MATN2: variants seen among roughly 807,000 people sequenced by gnomAD.
MATN2 encodes matrilin 2, also known as matrilin-2.
In MATN2, 69 loss-of-function variants were observed where a neutral mutation model predicts 103.2. The observed-to-expected ratio is 0.67, with a 90% CI of 0.55 to 0.82. MATN2 has a LOEUF of 0.82. MATN2 is among the 40% of genes least tolerant of loss of function. The pLI, the probability that MATN2 is intolerant of heterozygous loss-of-function variation, is 0.00. For synonymous variants in MATN2, 429 were observed against 450.2 expected, an observed-to-expected ratio of 0.95 and a Z score of 0.60; for missense variants, 1,023 against 1,211.5, an observed-to-expected ratio of 0.84 and a Z score of 2.31.
rs1027020929 is a variant in MATN2, at chr8:97,887,921, T to G, written c.-26-154T>G. 7.9e-5 allele frequency: 50 copies of G among 629,004 alleles called. 2 individuals carry two copies. The Middle Eastern group carries it at 1.7e-3, about 21-fold the overall frequency. 39.0% of individuals were successfully genotyped at this position (629,004 alleles called of 1,614,324 possible). ...AGAAGAGCCTACCAACGGGGGCTAC[T>G]TAAGCTCTCAAAGGCCAAACACACA... On this transcript the variant is annotated intron_variant, in intron 1 of 18. Coordinates refer to ENST00000254898, the MANE Select transcript of MATN2 (RefSeq NM_002380.5).
At chr8:97,968,548 C>A (rs1811556980) in intron 5 of MATN2, among the ~76,000 whole-genome samples, 1 of 152,172 alleles carries the variant, frequency 6.6e-6, no homozygotes, top group African/African-American at 2.4e-5. Context: ...CAGATAGCTA[C>A]CTTAGGTCAT....
chr8:98,017,887 T>G, intron 11 of MATN2, 107 bp from the exon 12 acceptor site: 3 of 1,255,420 alleles, frequency 2.4e-6, no homozygotes, highest in Non-Finnish European at 3.4e-6. Flanking sequence ...TGAGCTCAGG[T>G]GGCAGATAGA....
At chr8:98,003,445 C>G (rs1014791843) in intron 7 of MATN2, among the ~76,000 whole-genome samples, 5 of 152,232 alleles carry the variant, frequency 3.3e-5, no homozygotes, top group African/African-American at 1.2e-4. Context: ...CCCATTGAGG[C>G]AGGGCCTCCA....
chr8:97,936,992 TG>T (rs1810389690), intron 3 of MATN2, among the ~76,000 whole-genome samples: 1 of 152,218 alleles, frequency 6.6e-6, no homozygotes, highest in South Asian at 2.1e-4. Flanking sequence ...GAAATAAGGA[TG>T]GCAGTTGTGA....
At chr8:97,929,715 C>G (rs1489622670) in intron 2 of MATN2, among the ~76,000 whole-genome samples, 1 of 152,132 alleles carries the variant, frequency 6.6e-6, no homozygotes, top group Non-Finnish European at 1.5e-5. Context: ...TAGTCAGGTC[C>G]CCTTTTCTCT....
intron 7 of MATN2, among the ~76,000 whole-genome samples, chr8:98,001,405 C>T (rs1277632254): frequency 2.0e-5 from 3 of 151,956 alleles, no homozygotes; most frequent in East Asian, 1.9e-4. Context: ...CACTACAAGA[C>T]TCAAAGGCAG....
intron 12 of MATN2, among the ~76,000 whole-genome samples, chr8:98,018,667 C>G (rs1167664557): frequency 6.6e-6 from 1 of 152,164 alleles, no homozygotes; most frequent in Non-Finnish European, 1.5e-5. Context: ...CACATGGTGG[C>G]AGACAAGAGA....
intron 10 of MATN2, among the ~76,000 whole-genome samples, chr8:98,010,331 G>C (rs1238321130): frequency 6.6e-6 from 1 of 152,162 alleles, no homozygotes; most frequent in East Asian, 1.9e-4. Context: ...GGGGCTCTCT[G>C]TGCACATGTC....
At chr8:97,872,233 C>T (rs2129915983) in intron 1 of MATN2, among the ~76,000 whole-genome samples, 1 of 152,246 alleles carries the variant, frequency 6.6e-6, no homozygotes, top group East Asian at 1.9e-4. Context: ...GTGTAAAGTA[C>T]TCAAAGTGAG....
chr8:97,914,301 G>A (rs1348561015), intron 2 of MATN2, among the ~76,000 whole-genome samples: 2 of 147,752 alleles, frequency 1.4e-5, no homozygotes, highest in Admixed American at 6.8e-5. Context: ...GCCTAAAATA[G>A]GAAGGGCACA....
At chr8:97,887,889 G>A in intron 1 of MATN2, 186 bp from the exon 2 acceptor site, 1 of 516,988 alleles carries the variant, frequency 1.9e-6, no homozygotes, top group South Asian at 2.8e-5. Flanking sequence ...CCTGCTCGGA[G>A]CGTCCAAGAA....
chr8:97,934,435 A>G (rs1283826195), intron 3 of MATN2, among the ~76,000 whole-genome samples: 3 of 152,220 alleles, frequency 2.0e-5, no homozygotes, highest in Non-Finnish European at 4.4e-5. Context: ...TTTGATCTGC[A>G]CTCAAATGAT....
chr8:98,005,348 C>T lies in MATN2; in HGVS notation c.1327+1565C>T, dbSNP rs1188464740. On this transcript the variant is annotated intron_variant, in intron 8 of 18. Transcript: ENST00000254898. This position sits in a 1 kb window ranked among gnomAD's most constrained non-coding sequence, Gnocchi z 4.6. ...CGGGTCTCCCATTCAACAGGAGATG[C>T]CCTGGTGACCATGGATCTGTGTGTA... Among the ~76,000 whole-genome samples, 1 of 152,160 alleles carries T rather than the reference C, an allele frequency of 6.6e-6. No homozygotes were observed. The highest frequency in any genetic ancestry group is 1.5e-5 in the Non-Finnish European group (1 of 68,016).
chr8:98,029,584 C>G (rs148328392), intron 14 of MATN2, among the ~76,000 whole-genome samples: 19 of 152,156 alleles, frequency 1.2e-4, no homozygotes, highest in African/African-American at 3.9e-4. Flanking sequence ...TTTAGGAAGT[C>G]GTGCATAAAA....
intron 13 of MATN2, among the ~76,000 whole-genome samples, chr8:98,023,293 C>A (rs565937655): frequency 6.6e-5 from 10 of 151,982 alleles, no homozygotes; most frequent in African/African-American, 2.4e-4. Context: ...TATATAAACT[C>A]TTTGAGTCCC....
chr8:97,916,041 TTTTTA>T (rs141785984), intron 2 of MATN2, among the ~76,000 whole-genome samples: 44,994 of 145,068 alleles, frequency 0.31, 7,501 homozygotes, highest in East Asian at 0.66. Context: ...CTGGCTATGG[TTTTTA>T]TTTTATTTTA....
intron 7 of MATN2, among the ~76,000 whole-genome samples, chr8:98,002,715 T>G (rs1812828710): frequency 6.6e-6 from 1 of 152,152 alleles, no homozygotes; most frequent in South Asian, 2.1e-4. Context: ...ACAGGTATAC[T>G]TCAGGTGCCA....
At chr8:97,968,154 G>A (rs142662170) in intron 5 of MATN2, among the ~76,000 whole-genome samples, 91 of 152,372 alleles carry the variant, frequency 6.0e-4, no homozygotes, top group African/African-American at 2.2e-3. Context: ...GTGAGGAGCA[G>A]TGTGCTGAGG....
At chr8:97,882,291 T>A (rs1818282857) in intron 1 of MATN2, among the ~76,000 whole-genome samples, 1 of 152,032 alleles carries the variant, frequency 6.6e-6, no homozygotes, top group South Asian at 2.1e-4. Flanking sequence ...GTATTATTTT[T>A]AATTTACTTT....
Sources: gnomAD v4.1 joint callset for allele counts (sites outside exome capture counted in the v4.1 genomes callset) on GRCh38, gnomAD v4.1.1 for gene constraint, Gnocchi (gnomAD v3.1) non-coding constraint, MANE v1.5 for transcripts, NCBI Gene and HGNC (gene_info 2026-07-23, HGNC 2026-07-21) for gene names.